ATP6V1D: variants seen among roughly 807,000 people sequenced by gnomAD.
ATP6V1D encodes V-type proton ATPase subunit D.
Under a neutral mutation model 39.4 loss-of-function variants are expected in ATP6V1D, and 20 were observed. The ratio of observed to expected loss-of-function variants is 0.51; its 90% CI spans 0.36 to 0.74. ATP6V1D has a LOEUF of 0.74. Ranked by LOEUF, ATP6V1D falls within the 30% of genes least tolerant of loss-of-function variation. The pLI, the probability that ATP6V1D is intolerant of heterozygous loss-of-function variation, is 0.00. For synonymous variants in ATP6V1D, 100 were observed against 100.5 expected (o/e 0.99, Z 0.03); for missense variants, 228 against 291.6 (o/e 0.78, Z 1.59).
intron 1 of ATP6V1D, among the ~76,000 whole-genome samples, 156 bp downstream of exon 1, chr14:67,359,502 C>A (rs1039567193): frequency 6.6e-6 from 1 of 152,100 alleles, no homozygotes; most frequent in African/African-American, 2.4e-5. Context: ...GCGAAGAGGC[C>A]GTCAGGAAGC....
chr14:67,342,827 A>C (rs1289081392), intron 7 of ATP6V1D, among the ~76,000 whole-genome samples: 1 of 151,964 alleles, frequency 6.6e-6, no homozygotes, highest in Non-Finnish European at 1.5e-5. Flanking sequence ...TTGCTTTCTT[A>C]CCTAAAATTG....
chr14:67,341,775 G>A lies in ATP6V1D; in HGVS notation c.524-1257C>T, dbSNP rs567291221. On this transcript the variant is annotated intron_variant, in intron 7 of 8. Coordinates refer to ENST00000216442, the MANE Select transcript of ATP6V1D (RefSeq NM_015994.4). The stretch of plus-strand genomic sequence containing the variant: ...AAGGTGGGGAAAAGATAGAGAAATC[G>A]GATGGTTGCTGTGTCTGTGTAGAAA... Among the ~76,000 whole-genome samples the A allele has an allele frequency of 8.8e-3, 1,341 of 152,302 alleles. 19 individuals are homozygous for A. The highest frequency in any genetic ancestry group is 0.03 in the African/African-American group (1,261 of 41,536).
intron 7 of ATP6V1D, among the ~76,000 whole-genome samples, chr14:67,341,228 G>A (rs1464238151): frequency 2.0e-5 from 3 of 152,106 alleles, no homozygotes; most frequent in African/African-American, 7.2e-5. Context: ...TAGGAAGTGA[G>A]GAGCGTCTCT....
intron 6 of ATP6V1D, 112 bp from the exon 7 acceptor site, chr14:67,343,550 TTC>T (rs891346957): frequency 1.3e-6 from 1 of 797,792 alleles, no homozygotes; most frequent in African/African-American, 1.7e-5. Context: ...CCAAGACAAC[TTC>T]TTTTTGGCAT....
chr14:67,352,277 C>G (rs1226624086), intron 2 of ATP6V1D, among the ~76,000 whole-genome samples: 1 of 151,824 alleles, frequency 6.6e-6, no homozygotes, highest in East Asian at 1.9e-4. Flanking sequence ...AAAGACTAGC[C>G]TGGGCAACAT....
chr14:67,341,525 C>T (rs1030362383), intron 7 of ATP6V1D, among the ~76,000 whole-genome samples: 2 of 150,910 alleles, frequency 1.3e-5, no homozygotes, highest in African/African-American at 2.4e-5. Flanking sequence ...GGGGGTCAGC[C>T]CCCCGCCTGG....
intron 4 of ATP6V1D, 40 bp downstream of exon 4, chr14:67,348,997 C>T: frequency 6.3e-7 from 1 of 1,585,638 alleles, no homozygotes; most frequent in South Asian, 1.1e-5. Flanking sequence ...AATGTCACCT[C>T]TTTTCTCCCC....
rs755896871 is a variant in ATP6V1D at position 67,343,336 on chromosome 14, C to G, written c.523+36G>C. 10 of 1,534,286 alleles carry G rather than the reference C, an allele frequency of 6.5e-6. No individual in the cohort carries two copies. The South Asian group carries it at 1.2e-4, about 18-fold the overall frequency. On this transcript the variant is annotated intron_variant, in intron 7 of 8. Coordinates refer to ENST00000216442, the MANE Select transcript of ATP6V1D (RefSeq NM_015994.4). ...TTTCACGACAAGTGGAGGGTATGGA[C>G]AAGTGACAAAGCACCTCACAGTACC...
At chr14:67,354,177 T>G (rs1266493617) in intron 1 of ATP6V1D, among the ~76,000 whole-genome samples, 2 of 152,214 alleles carry the variant, frequency 1.3e-5, no homozygotes, top group African/African-American at 4.8e-5. Context: ...TAATGTAGAT[T>G]TCTACCATCA....
At chr14:67,340,283 A>G in intron 8 of ATP6V1D, 157 bp downstream of exon 8, 1 of 632,400 alleles carries the variant, frequency 1.6e-6, no homozygotes, top group Admixed American at 3.0e-5. Context: ...ATTTGTTTCC[A>G]CAACTTCTGG....
At chr14:67,355,829 CA>C (rs755032476) in intron 1 of ATP6V1D, among the ~76,000 whole-genome samples, 1,307 of 130,216 alleles carry the variant, frequency 0.01, 27 homozygotes, top group East Asian at 0.077. Context: ...CCTGTCTCTA[CA>C]AAAAAAAAAA....
At chr14:67,356,646 A>G (rs1443425677) in intron 1 of ATP6V1D, among the ~76,000 whole-genome samples, 2 of 152,216 alleles carry the variant, frequency 1.3e-5, no homozygotes, top group Non-Finnish European at 2.9e-5. Context: ...AGGGACTTGA[A>G]CCAGACTTTT....
chr14:67,353,699 C>A (rs1019851161), intron 1 of ATP6V1D: 1 of 152,306 alleles, frequency 6.6e-6, no homozygotes, highest in Admixed American at 6.6e-5. Flanking sequence ...CCATACTGAC[C>A]AGGCTCATCT....
intron 1 of ATP6V1D, among the ~76,000 whole-genome samples, chr14:67,358,034 G>A (rs2085697323): frequency 6.6e-6 from 1 of 151,678 alleles, no homozygotes; most frequent in African/African-American, 2.4e-5. Context: ...ATTAGGTGTT[G>A]ACTAGAACAA....
In ATP6V1D at chr14:67,338,577, T is replaced by C; in HGVS notation, c.*44A>G. The C allele has an allele frequency of 6.3e-7, 1 of 1,582,842 alleles. No homozygotes were observed. Among genetic ancestry groups the C allele is most frequent in the Non-Finnish European group, 8.6e-7 (1 of 1,166,056 alleles). ...CAAACCTACACACTGTGAATTAAAA[T>C]GAAGCCAGTGTTAGGGTTTCTCAAA... On this transcript the variant is annotated 3_prime_UTR_variant, in exon 9 of 9. Transcript: ENST00000216442.
At chr14:67,339,303 C>T (rs757700510) in intron 8 of ATP6V1D, among the ~76,000 whole-genome samples, 3 of 151,902 alleles carry the variant, frequency 2.0e-5, no homozygotes, top group African/African-American at 4.8e-5. Flanking sequence ...AGCCTAGAAG[C>T]CTTTATTAGG....
chr14:67,352,613 GAA>G, intron 2 of ATP6V1D: 1 of 213,442 alleles, frequency 4.7e-6, no homozygotes, highest in South Asian at 9.6e-5. Context: ...AAGTTCTGGG[GAA>G]AGAGTATTTC....
intron 4 of ATP6V1D, 139 bp from the exon 5 acceptor site, chr14:67,347,592 C>T (rs2085628816): frequency 1.5e-6 from 1 of 682,578 alleles, no homozygotes. Context: ...ACCTCTGCCT[C>T]CCAGGTTCAA....
At chr14:67,340,632 T>A in intron 7 of ATP6V1D, 114 bp from the exon 8 acceptor site, 1 of 859,002 alleles carries the variant, frequency 1.2e-6, no homozygotes, top group Non-Finnish European at 1.8e-6. Context: ...AATGTGCATT[T>A]AATGCAGAGA....
Sources: gnomAD v4.1 joint callset for allele counts (sites outside exome capture counted in the v4.1 genomes callset) on GRCh38, gnomAD v4.1.1 for gene constraint, MANE v1.5 for transcripts, NCBI Gene and HGNC (gene_info 2026-07-23, HGNC 2026-07-21) for gene names.